Variants in OSBPL10 observed in about 807,000 individuals in gnomAD.
OSBPL10 encodes oxysterol-binding protein-related protein 10.
OSBPL10 carries 49 observed loss-of-function variants against 81.7 expected under a neutral mutation model. The ratio of observed to expected loss-of-function variants is 0.60; its 90% confidence interval spans 0.48 to 0.76. OSBPL10 has a LOEUF of 0.76. Ranked by LOEUF, OSBPL10 falls within the 30% of genes least tolerant of loss-of-function variation. OSBPL10 has a pLI of 0.00. For synonymous variants in OSBPL10, 419 were observed against 383.6 expected (o/e 1.09, Z -1.08); for missense variants, 923 against 987.8 (o/e 0.93, Z 0.88).
At chr3:31,744,683 T>A (rs1361565725) in intron 5 of OSBPL10, among the ~76,000 whole-genome samples, 1 of 151,950 alleles carries the variant, frequency 6.6e-6, no homozygotes, top group Non-Finnish European at 1.5e-5. Flanking sequence ...TCTCCCCTTT[T>A]CCCAATAATT....
At chr3:31,748,419 G>A (rs2290534) in intron 4 of OSBPL10, among the ~76,000 whole-genome samples, 73,770 of 151,396 alleles carry the variant, frequency 0.49, 18,874 homozygotes, top group East Asian at 0.78. Context: ...TAAATACATT[G>A]AAAGCAGTCC....
chr3:31,776,916 C>A (rs1326587473), intron 4 of OSBPL10, among the ~76,000 whole-genome samples: 1 of 151,998 alleles, frequency 6.6e-6, no homozygotes, highest in Admixed American at 6.6e-5. Flanking sequence ...GAATTGTTCA[C>A]TTTAAAATGG....
chr3:31,757,335 A>G (rs1005903391), intron 4 of OSBPL10, among the ~76,000 whole-genome samples: 9 of 152,170 alleles, frequency 5.9e-5, no homozygotes, highest in Non-Finnish European at 1.2e-4. Context: ...ATAGTGGCTC[A>G]TACCTGTAAA....
At chr3:31,719,828 TTAAA>T (rs1176339797) in intron 6 of OSBPL10, among the ~76,000 whole-genome samples, 8 of 151,998 alleles carry the variant, frequency 5.3e-5, no homozygotes, top group Non-Finnish European at 1.2e-4. Flanking sequence ...TAGGGTCCAG[TTAAA>T]TAAATTCCTT....
intron 6 of OSBPL10, among the ~76,000 whole-genome samples, chr3:31,723,714 A>G (rs1336220041): frequency 6.6e-6 from 1 of 152,224 alleles, no homozygotes. Flanking sequence ...AAAGGGATAC[A>G]AGAACTCATC....
At chr3:32,038,260 A>T (rs558301497) in intron 2 of OSBPL10, among the ~76,000 whole-genome samples, 1 of 152,362 alleles carries the variant, frequency 6.6e-6, no homozygotes, top group African/African-American at 2.4e-5. Flanking sequence ...AAAAAGCCAG[A>T]TGCAAAAGAC....
chr3:31,702,722 G>A lies in OSBPL10; in HGVS notation c.1096-214C>T, dbSNP rs374050856. 3.9e-5 allele frequency among the ~76,000 whole-genome samples: 6 copies of A among 152,084 alleles called. No homozygotes were observed. The East Asian group carries it at 5.8e-4, about 15-fold the overall frequency. ...CTGCATATCCCCTTTCATCTCTCCC[G>A]TCATCCCTGATTAGTGAGTGTAAGG... On this transcript the variant is annotated intron_variant, in intron 6 of 11. Coordinates refer to ENST00000396556, the MANE Select transcript of OSBPL10 (RefSeq NM_017784.5).
intron 6 of OSBPL10, chr3:31,709,207 C>CA (rs1343296004): frequency 4.6e-6 from 1 of 218,892 alleles, no homozygotes; most frequent in Non-Finnish European, 7.8e-6. Context: ...TCACTGACAT[C>CA]ACAATCCTCC....
chr3:31,687,397 T>C (rs1575476247), intron 7 of OSBPL10, among the ~76,000 whole-genome samples: 1 of 152,132 alleles, frequency 6.6e-6, no homozygotes, highest in East Asian at 1.9e-4. Flanking sequence ...GATGTACTTT[T>C]GAAAAGGAGA....
intron 1 of OSBPL10, among the ~76,000 whole-genome samples, chr3:31,974,940 C>T (rs188652686): frequency 6.6e-6 from 1 of 152,176 alleles, no homozygotes; most frequent in East Asian, 1.9e-4. Context: ...GCCTCAACAA[C>T]TTTTTCAAAC....
chr3:31,900,529 T>G (rs1289953000), intron 1 of OSBPL10, among the ~76,000 whole-genome samples: 1 of 152,136 alleles, frequency 6.6e-6, no homozygotes, highest in East Asian at 1.9e-4. Flanking sequence ...TTCACATTTC[T>G]CCCCTTCTCA....
chr3:31,675,870 T>G (rs1406481939), intron 8 of OSBPL10, among the ~76,000 whole-genome samples: 1 of 140,290 alleles, frequency 7.1e-6, no homozygotes. Flanking sequence ...GGCGTGAACC[T>G]GGGAGGCGGA....
At position 31,664,456 on chromosome 3, in the gene OSBPL10, GC is replaced by G. The variant is rs1280108246; in HGVS notation, c.2097-225del. On this transcript the variant is annotated intron_variant, in intron 10 of 11. Coordinates refer to ENST00000396556, the MANE Select transcript of OSBPL10 (RefSeq NM_017784.5). Reference sequence around the variant, plus strand: ...ACTCTCCGCTTGTACCAGGCAGCATGCCTTTCTCAGGGCCCGGAGATTCTGG... The same window carrying G: ...ACTCTCCGCTTGTACCAGGCAGCATGCTTTCTCAGGGCCCGGAGATTCTGG... 1.5e-5 allele frequency: 9 copies of G among 588,040 alleles called. No individual in the cohort carries two copies. The African/African-American group carries it at 1.7e-4, about 11-fold the overall frequency. 36.4% of individuals were successfully genotyped at this position (588,040 alleles called of 1,614,324 possible). A position where few individuals can be genotyped will look rare whatever the true frequency, so the allele number is the denominator to read the frequency against.
chr3:31,872,923 C>CTCAAAAACTTTTTTGTAAG, intron 3 of OSBPL10, among the ~76,000 whole-genome samples: 1 of 152,164 alleles, frequency 6.6e-6, no homozygotes, highest in East Asian at 1.9e-4. Context: ...CACATCCAGC[C>CTCAAAAACTTTTTTGTAAG]TCAAAAACTT....
intron 1 of OSBPL10, among the ~76,000 whole-genome samples, chr3:31,889,644 T>C (rs1281536840): frequency 6.6e-6 from 1 of 151,566 alleles, no homozygotes; most frequent in Non-Finnish European, 1.5e-5. Flanking sequence ...TAGAGGATAC[T>C]AGGGGCTGGG....
chr3:31,743,189 C>T (rs1286608123), intron 5 of OSBPL10, among the ~76,000 whole-genome samples: 5 of 151,804 alleles, frequency 3.3e-5, no homozygotes, highest in East Asian at 3.9e-4. Context: ...TACAGGTGCC[C>T]GCCACGACGC....
chr3:31,980,837 GCACGCACACACACACACACACA>G, intron 1 of OSBPL10, 40 bp downstream of exon 1: 2 of 1,408,548 alleles, frequency 1.4e-6, no homozygotes, highest in Non-Finnish European at 1.8e-6. Context: ...ATACACACAC[GCACGCACACACACACACACACA>G]CACAGCGGCG....
rs1575551807 is a variant in OSBPL10 at position 31,798,200 on chromosome 3, G to A, written c.729+31840C>T. 3.9e-5 allele frequency among the ~76,000 whole-genome samples: 6 copies of A among 152,280 alleles called. No homozygotes were observed. The South Asian group carries it at 1.2e-3, about 32-fold the overall frequency. Reference sequence around the variant, plus strand: ...AATCCCAGCACTTTGGGAGGCCGAGGCAGGTGGATCACCTGAGGTCAGGAG... The same window carrying A: ...AATCCCAGCACTTTGGGAGGCCGAGACAGGTGGATCACCTGAGGTCAGGAG... On this transcript the variant is annotated intron_variant, in intron 4 of 11. Transcript: ENST00000396556.
rs778496954 is a variant in OSBPL10, at chr3:31,668,734, G to T, written c.2004C>A (p.Asn668Lys). ...EWNGTLEFTY[N>K]NGETKVIDTT... Reference sequence around the variant, plus strand: ...TGTCGATGACTTTGGTTTCTCCATTGTTGTAGGTGAACTCTAAAGTACCAT... The same window carrying T: ...TGTCGATGACTTTGGTTTCTCCATTTTTGTAGGTGAACTCTAAAGTACCAT... Residue 668 changes from asparagine (N) to lysine (K), a missense_variant, in exon 10 of 12, where the codon AAC becomes AAA. Around this residue, in one of 3 missense-constraint regions of OSBPL10, gnomAD observed 387 missense variants for 436.3 expected, o/e 0.89. Transcript: ENST00000396556. 1 of 1,614,120 alleles carries T rather than the reference G, an allele frequency of 6.2e-7. No homozygotes were observed. The highest frequency in any genetic ancestry group is 8.5e-7 in the Non-Finnish European group (1 of 1,179,988).
Sources: gnomAD v4.1 joint callset for allele counts (sites outside exome capture counted in the v4.1 genomes callset) on GRCh38, gnomAD v4.1.1 for gene constraint, gnomAD v4.1.1 regional missense constraint, MANE v1.5 for transcripts, NCBI Gene and HGNC (gene_info 2026-07-23, HGNC 2026-07-21) for gene names.